VPS13D: variants seen among roughly 807,000 people sequenced by gnomAD.
VPS13D encodes vacuolar protein sorting 13 homolog D, also known as intermembrane lipid transfer protein VPS13D.
A neutral mutation model predicts 461.9 loss-of-function variants in VPS13D; 187 were observed. The observed-to-expected ratio is 0.40, with a 90% CI of 0.36 to 0.46. VPS13D has a LOEUF of 0.46. Among genes scored for constraint, VPS13D ranks in the 20% least tolerant of loss-of-function variants. The pLI is 0.60. For synonymous variants in VPS13D, 1,951 were observed against 1,986.3 expected (o/e 0.98, Z 0.47); for missense variants, 4,711 against 5,364.9 (o/e 0.88, Z 3.81).
rs1404475132 is a variant in VPS13D at position 12,473,958 on chromosome 1, G to T, written c.12662+13562G>T. 6.6e-6 allele frequency among the ~76,000 whole-genome samples: 1 copy of T among 152,172 alleles called. No homozygotes were observed. The highest frequency in any genetic ancestry group is 1.5e-5 in the Non-Finnish European group (1 of 68,032). On this transcript the variant is annotated intron_variant, in intron 67 of 69. Coordinates refer to ENST00000620676, the MANE Select transcript of VPS13D (RefSeq NM_015378.4). The surrounding 1 kb of genome is among the most constrained non-coding windows in gnomAD (Gnocchi z 4.2). ...AAAGGTGTGCAGAGGCCACGAACTTGCTCTGAACCCACTTGTGAAGAGCAG... is the reference window on the plus strand; with the variant it reads ...AAAGGTGTGCAGAGGCCACGAACTTTCTCTGAACCCACTTGTGAAGAGCAG...
At chr1:12,328,695 C>A (rs1352216917) in intron 36 of VPS13D, among the ~76,000 whole-genome samples, 1 of 152,166 alleles carries the variant, frequency 6.6e-6, no homozygotes, top group Admixed American at 6.5e-5. Flanking sequence ...CATGTGCCAC[C>A]ATGCCTGGCT....
At chr1:12,272,778 T>C (rs1641490098) in intron 17 of VPS13D, among the ~76,000 whole-genome samples, 1 of 152,188 alleles carries the variant, frequency 6.6e-6, no homozygotes, top group Admixed American at 6.5e-5. Flanking sequence ...CTCCCCTATT[T>C]AGTTATTTGC....
chr1:12,311,323 G>T, intron 27 of VPS13D, 131 bp from the exon 28 acceptor site: 1 of 747,374 alleles, frequency 1.3e-6, no homozygotes, highest in South Asian at 2.5e-5. Flanking sequence ...TGAAATTTTT[G>T]TCATTGGAAG....
intron 13 of VPS13D, among the ~76,000 whole-genome samples, chr1:12,266,623 T>G (rs1641276478): frequency 6.6e-6 from 1 of 152,266 alleles, no homozygotes; most frequent in Non-Finnish European, 1.5e-5. Flanking sequence ...ACATCACTTT[T>G]CTATGCACTG....
chr1:12,258,971 T>C (rs923643213), intron 10 of VPS13D, among the ~76,000 whole-genome samples: 5 of 152,208 alleles, frequency 3.3e-5, no homozygotes, highest in Non-Finnish European at 5.9e-5. Context: ...ACATGGTTAC[T>C]GACACAGGAA....
chr1:12,430,556 T>G (rs938723792), intron 65 of VPS13D, among the ~76,000 whole-genome samples: 2 of 152,188 alleles, frequency 1.3e-5, no homozygotes, highest in Admixed American at 1.3e-4. Flanking sequence ...GATGGGAAAT[T>G]AAGTTACACA....
intron 21 of VPS13D, among the ~76,000 whole-genome samples, chr1:12,285,972 C>T (rs1641956977): frequency 7.3e-6 from 1 of 137,700 alleles, no homozygotes; most frequent in Non-Finnish European, 1.5e-5. Flanking sequence ...CCTTTCCTTT[C>T]CTTTCCTTTC....
At chr1:12,407,763 C>T (rs957408780) in intron 63 of VPS13D, among the ~76,000 whole-genome samples, 5 of 151,886 alleles carry the variant, frequency 3.3e-5, no homozygotes, top group Admixed American at 1.3e-4. Context: ...CTTAGTCATT[C>T]GGAAAGGTAA....
Position 12,502,341 on chromosome 1 carries a change from G to A in VPS13D, c.12795-4512G>A, listed in dbSNP as rs1646046041. On this transcript the variant is annotated intron_variant, in intron 68 of 69. Transcript: ENST00000620676. The surrounding 1 kb of genome is among the most constrained non-coding windows in gnomAD (Gnocchi z 4.3). ...CCTCAACTGCTAAATTGGAATCTGA[G>A]TGAGGAGGAGGGTTGAGAGTGGCTT... 4.6e-5 allele frequency among the ~76,000 whole-genome samples: 7 copies of A among 152,174 alleles called. No homozygotes were observed.
At chr1:12,362,322 C>G (rs1256922230) in intron 50 of VPS13D, among the ~76,000 whole-genome samples, 1 of 152,198 alleles carries the variant, frequency 6.6e-6, no homozygotes, top group Non-Finnish European at 1.5e-5. Context: ...GGCAGGTTCT[C>G]TAGAAGGAAA....
Position 12,256,233 on chromosome 1 carries a change from G to T in VPS13D, c.670-100G>T, listed in dbSNP as rs1640916952. Reference sequence around the variant, plus strand: ...ATTTGCCGCTGTGACACAGCCTATGGCTGAGCTCCACTGTTTGTCATAAAA... The same window carrying T: ...ATTTGCCGCTGTGACACAGCCTATGTCTGAGCTCCACTGTTTGTCATAAAA... On this transcript the variant is annotated intron_variant, in intron 7 of 69. Coordinates refer to ENST00000620676, the MANE Select transcript of VPS13D (RefSeq NM_015378.4). The T allele has an allele frequency of 1.2e-5, 16 of 1,376,984 alleles. No homozygotes were observed. In the South Asian group the frequency reaches 1.9e-4, roughly 17 times the overall value. 85.3% of individuals were successfully genotyped at this position (1,376,984 alleles called of 1,614,324 possible). A position where few individuals can be genotyped will look rare whatever the true frequency, so the allele number is the denominator to read the frequency against.
chr1:12,335,677 C>T lies in VPS13D; in HGVS notation c.8429-28C>T, dbSNP rs201462450. 9 of 1,576,716 alleles carry T rather than the reference C, an allele frequency of 5.7e-6. No homozygotes were observed. The Middle Eastern group carries it at 5.1e-4, about 90-fold the overall frequency. ...CGAACCCTCCATCTTTTTTAGTTCT[C>T]TTAATATCTCTGGGGGATTCTTTCT... On this transcript the variant is annotated intron_variant, in intron 38 of 69. Transcript: ENST00000620676.
intron 66 of VPS13D, among the ~76,000 whole-genome samples, chr1:12,457,205 G>C (rs1488299498): frequency 6.6e-6 from 1 of 152,140 alleles, no homozygotes; most frequent in Non-Finnish European, 1.5e-5. Flanking sequence ...CCATCCTTCA[G>C]CCATGCTGCA....
At position 12,495,656 on chromosome 1, in the gene VPS13D, T is replaced by G. The variant is rs1012476575; in HGVS notation, c.12663-1844T>G. 2.0e-5 allele frequency among the ~76,000 whole-genome samples: 3 copies of G among 152,294 alleles called. No homozygotes were observed. Among genetic ancestry groups the G allele is most frequent in the African/African-American group, 7.2e-5 (3 of 41,564 alleles). ...TGAGCCTGCAGGCCTCCCAGTTGATTGGGGAAGATATGTTGAGACGAGTCT... is the reference window on the plus strand; with the variant it reads ...TGAGCCTGCAGGCCTCCCAGTTGATGGGGGAAGATATGTTGAGACGAGTCT... On this transcript the variant is annotated intron_variant, in intron 67 of 69. Transcript: ENST00000620676. This position sits in a 1 kb window ranked among gnomAD's most constrained non-coding sequence, Gnocchi z 4.0.
chr1:12,410,164 A>G (rs1644704964), intron 63 of VPS13D, among the ~76,000 whole-genome samples: 1 of 152,232 alleles, frequency 6.6e-6, no homozygotes, highest in African/African-American at 2.4e-5. Flanking sequence ...TTCTTGAGAT[A>G]TTTGATGATT....
chr1:12,438,301 C>A (rs531468720), intron 65 of VPS13D, among the ~76,000 whole-genome samples: 68 of 152,252 alleles, frequency 4.5e-4, no homozygotes, highest in Non-Finnish European at 6.5e-4. Context: ...AGCTAGCCCA[C>A]CCTTCTACCG....
rs142087616 is a variant in VPS13D, at chr1:12,267,847, A to G, written c.1728A>G (p.Gln576=). 330 of 1,614,018 alleles carry G rather than the reference A, an allele frequency of 2.0e-4. 1 individual carries two copies. Among genetic ancestry groups the G allele is most frequent in the Non-Finnish European group, 2.6e-4 (312 of 1,179,998 alleles). ...ATTTTTGTGTGTTTGTTTAATAGCA[A>G]AAAGAAGTTGGCAGAGTCTCACAAT... The part of the protein sequence containing the change: ...MFPLLVFPNP[Q]KEVGRVSQSF... The change falls in exon 15 of 70, where the codon CAA becomes CAG. Residue 576 remains glutamine, a splice_region_variant and synonymous_variant. Transcript: ENST00000620676.
chr1:12,510,643 C>A lies in VPS13D; in HGVS notation c.*1619C>A, dbSNP rs1265245431. 2 of 152,096 alleles carry A rather than the reference C, an allele frequency of 1.3e-5. No homozygotes were observed. The highest frequency in any genetic ancestry group is 1.3e-4 in the Admixed American group (2 of 15,248). 9.4% of individuals were successfully genotyped at this position (152,096 alleles called of 1,614,324 possible). A position where few individuals can be genotyped will look rare whatever the true frequency, so the allele number is the denominator to read the frequency against. On this transcript the variant is annotated 3_prime_UTR_variant, in exon 70 of 70. Coordinates refer to ENST00000620676, the MANE Select transcript of VPS13D (RefSeq NM_015378.4). ...TTCAAGGATCAGCTTTCTTGAACTC[C>A]GAGGCTTGGTTGCCTTTGCTGAACT...
In VPS13D at chr1:12,400,962, G is replaced by GCACACACA. The variant is rs55998605; in HGVS notation, c.11785-611_11785-604dup. Among the ~76,000 whole-genome samples, 449 of 106,258 alleles carry GCACACACA rather than the reference G, an allele frequency of 4.2e-3. 7 individuals carry two copies. Among genetic ancestry groups the GCACACACA allele is most frequent in the South Asian group, 0.019 (52 of 2,718 alleles). The allele number at this position is 106,258 out of a possible 152,430, so 69.7% of individuals were successfully genotyped here. The stretch of plus-strand genomic sequence containing the variant: ...GAGTGAGATGTGCACCTGCGCGCGC[G>GCACACACA]CACACACACACACACACACACACAC... On this transcript the variant is annotated intron_variant, in intron 61 of 69. Transcript: ENST00000620676.
Sources: gnomAD v4.1 joint callset for allele counts (sites outside exome capture counted in the v4.1 genomes callset) on GRCh38, gnomAD v4.1.1 for gene constraint, Gnocchi (gnomAD v3.1) non-coding constraint, MANE v1.5 for transcripts, NCBI Gene and HGNC (gene_info 2026-07-23, HGNC 2026-07-21) for gene names.